The following ETFBKMT variants were observed in gnomAD, a reference collection of about 807,000 sequenced individuals.
ETFBKMT encodes the protein electron transfer flavoprotein subunit beta lysine methyltransferase.
Under a neutral mutation model 18.3 loss-of-function variants are expected in ETFBKMT, and 13 were observed. The ratio of observed to expected loss-of-function variants is 0.71; its 90% confidence interval spans 0.46 to 1.13. The LOEUF (loss-of-function observed/expected upper bound fraction) is 1.13, where lower values mean the gene tolerates loss of function less well. Ranked by LOEUF, ETFBKMT falls within the 50% of genes most tolerant of loss-of-function variation. ETFBKMT has a pLI of 0.00. For synonymous variants in ETFBKMT, 84 were observed against 107.9 expected (o/e 0.78, Z 1.37); for missense variants, 293 against 306.2 (o/e 0.96, Z 0.32).
At chr12:31,653,338 G>A (rs114247717) in intron 1 of ETFBKMT, among the ~76,000 whole-genome samples, 2,145 of 152,258 alleles carry the variant, frequency 0.014, 49 homozygotes, top group African/African-American at 0.048. Flanking sequence ...ACACTTGGCC[G>A]ATGTTAAGCT....
chr12:31,647,876 A>G (rs1249120372), intron 1 of ETFBKMT, among the ~76,000 whole-genome samples: 1 of 152,146 alleles, frequency 6.6e-6, no homozygotes, highest in Non-Finnish European at 1.5e-5. Flanking sequence ...ACAAGTGTTG[A>G]TAAGAATGTG....
At chr12:31,664,616 CTTTTTT>C (rs59300091) in intron 2 of ETFBKMT, among the ~76,000 whole-genome samples, 2 of 133,026 alleles carry the variant, frequency 1.5e-5, no homozygotes, top group African/African-American at 5.6e-5. Flanking sequence ...CTTTTTCTTT[CTTTTTT>C]TTTTTTTTTT....
At chr12:31,647,725 A>G (rs912144414) in intron 1 of ETFBKMT, among the ~76,000 whole-genome samples, 8 of 152,126 alleles carry the variant, frequency 5.3e-5, no homozygotes, top group Non-Finnish European at 1.0e-4. Context: ...GCTACTCGGG[A>G]AGCTGGGACA....
At chr12:31,654,433 A>G (rs1250069972), upstream of ETFBKMT, among the ~76,000 whole-genome samples, 4 of 152,268 alleles carry the variant, frequency 2.6e-5, no homozygotes, top group Non-Finnish European at 4.4e-5. Context: ...TATTTATGCA[A>G]AGGAAAGAAA....
intron 1 of ETFBKMT, among the ~76,000 whole-genome samples, chr12:31,652,800 T>A (rs1951028221): frequency 6.6e-6 from 1 of 152,188 alleles, no homozygotes; most frequent in Non-Finnish European, 1.5e-5. Context: ...TGCACGTGTG[T>A]GTGAGAGAAA....
chr12:31,649,045 T>C (rs903630242), intron 1 of ETFBKMT, among the ~76,000 whole-genome samples: 14 of 151,014 alleles, frequency 9.3e-5, no homozygotes, highest in African/African-American at 3.4e-4. Context: ...TGGCGTGCAA[T>C]TGGCTCATGC....
chr12:31,667,839 G>C lies in ETFBKMT; in HGVS notation c.638G>C (p.Arg213Pro). The change falls in exon 4 of 4, where the codon CGA becomes CCA. Residue 213 changes from arginine to proline, a missense_variant. Physicochemically the swap from Arg to Pro is moderately radical, Grantham distance 103. Transcript: ENST00000357721. ...LKKCFWTYRT[R>P]VLIGDPGRPQ... ...AAGTGCTTCTGGACCTATAGAACTCGAGTACTGATTGGTGACCCTGGGCGG... is the reference window on the plus strand; with the variant it reads ...AAGTGCTTCTGGACCTATAGAACTCCAGTACTGATTGGTGACCCTGGGCGG... The C allele has an allele frequency of 6.2e-7, 1 of 1,614,170 alleles. No individual in the cohort carries two copies. The highest frequency in any genetic ancestry group is 8.5e-7 in the Non-Finnish European group (1 of 1,180,036).
rs1951246749 is a variant in ETFBKMT, at chr12:31,669,974, C to T, written c.*1984C>T. 6.6e-6 allele frequency: 1 copy of T among 152,280 alleles called. No homozygotes were observed. The highest frequency in any genetic ancestry group is 1.5e-5 in the Non-Finnish European group (1 of 68,156). The allele number at this position is 152,280 out of a possible 1,614,324, so 9.4% of individuals were successfully genotyped here. On this transcript the variant is annotated 3_prime_UTR_variant, in exon 4 of 4. Transcript: ENST00000357721. ...AGCTGGGATTACAGGTATACACCAC[C>T]AAACCCAGCTGGGATTACAGGCATG...
intron 2 of ETFBKMT, among the ~76,000 whole-genome samples, chr12:31,663,857 T>A (rs1324645754): frequency 6.6e-6 from 1 of 152,172 alleles, no homozygotes; most frequent in Non-Finnish European, 1.5e-5. Context: ...ATAAGCTAAT[T>A]GTGCATCCTT....
Position 31,667,762 on chromosome 12 carries a change from C to T in ETFBKMT, c.561C>T (p.Gly187=), listed in dbSNP as rs200404212. The T allele has an allele frequency of 9.1e-5, 147 of 1,613,770 alleles. 1 individual carries two copies. Among genetic ancestry groups the T allele is most frequent in the South Asian group, 7.5e-4 (68 of 91,064 alleles). ...EQDKWDLVVL[G]DMFYDEDLAD... is the part of the protein sequence containing the mutation. ...ATAAGTGGGACCTTGTTGTTCTTGG[C>T]GATATGTTTTATGATGAAGACCTTG... The change falls in exon 4 of 4, where the codon GGC becomes GGT. Residue 187 remains glycine (G), a synonymous_variant. Transcript: ENST00000357721.
upstream of ETFBKMT, among the ~76,000 whole-genome samples, chr12:31,655,796 C>T (rs1457618232): frequency 6.6e-6 from 1 of 152,186 alleles, no homozygotes; most frequent in Non-Finnish European, 1.5e-5. Context: ...GCACGGGCCA[C>T]AGACTCATGT....
chr12:31,657,724 A>T (rs1003284971), upstream of ETFBKMT, among the ~76,000 whole-genome samples: 1 of 149,554 alleles, frequency 6.7e-6, no homozygotes, highest in Non-Finnish European at 1.5e-5. Context: ...CCCAGGAGGC[A>T]GAGGTTACAA....
intron 3 of ETFBKMT, 90 bp from the exon 4 acceptor site, chr12:31,667,557 T>C: frequency 2.0e-6 from 2 of 984,454 alleles, no homozygotes; most frequent in Non-Finnish European, 3.0e-6. Flanking sequence ...AAAAATATAT[T>C]GTTAGCAGAT....
intron 1 of ETFBKMT, chr12:31,647,373 GTGTT>G (rs1160708079): frequency 6.6e-6 from 1 of 152,198 alleles, no homozygotes; most frequent in East Asian, 1.9e-4. Context: ...TCTACGTCCT[GTGTT>G]TAAGTGCAGC....
In ETFBKMT at chr12:31,648,363, T is replaced by G. The variant is rs1455556936; in HGVS notation, c.-114+1108T>G. Among the ~76,000 whole-genome samples, 5 of 34,526 alleles carry G rather than the reference T, an allele frequency of 1.4e-4. No homozygotes were observed. The South Asian group carries it at 8.0e-3, about 55-fold the overall frequency. The allele number at this position is 34,526 out of a possible 152,430, so 22.7% of individuals were successfully genotyped here. ...AATGTTGAATATGATGTAAATAGTT[T>G]TTTTTTTTTTTTTTTTGAGATGGAG... On this transcript the variant is annotated intron_variant, in intron 1 of 3. Transcript: ENST00000412352.
At chr12:31,662,505 C>CTTTTTTTT (rs35366747) in intron 2 of ETFBKMT, among the ~76,000 whole-genome samples, 4 of 128,840 alleles carry the variant, frequency 3.1e-5, no homozygotes, top group Non-Finnish European at 5.0e-5. Context: ...TTCTTTCTTT[C>CTTTTTTTT]TTTTTTTTTT....
Position 31,662,544 on chromosome 12 carries a change from A to G in ETFBKMT, c.314+277A>G, listed in dbSNP as rs1406236333. ...TTTTTGGTAGAGACAGGATCTTGCT[A>G]TGTTGTCCAGGCTGGTCTTAAACAT... On this transcript the variant is annotated intron_variant, in intron 2 of 3. Coordinates refer to ENST00000357721, the MANE Select transcript of ETFBKMT (RefSeq NM_001135863.2). 3.7e-5 allele frequency among the ~76,000 whole-genome samples: 4 copies of G among 109,336 alleles called. No individual in the cohort carries two copies. The East Asian group carries it at 1.0e-3, about 28-fold the overall frequency. The allele number at this position is 109,336 out of a possible 152,430, so 71.7% of individuals were successfully genotyped here. A position where few individuals can be genotyped will look rare whatever the true frequency, so the allele number is the denominator to read the frequency against.
chr12:31,657,442 G>C (rs1951071684), upstream of ETFBKMT, among the ~76,000 whole-genome samples: 1 of 152,140 alleles, frequency 6.6e-6, no homozygotes, highest in Non-Finnish European at 1.5e-5. Context: ...GGAAGGGCAG[G>C]CCTTTTCTAG....
At chr12:31,648,647 T>C (rs12813431) in intron 1 of ETFBKMT, among the ~76,000 whole-genome samples, 27,745 of 147,384 alleles carry the variant, frequency 0.19, 3,302 homozygotes, top group Non-Finnish European at 0.26. Context: ...CTGCAAGCTC[T>C]GCCTCCCGGG....
Sources: allele counts gnomAD v4.1 joint callset (sites outside exome capture counted in the v4.1 genomes callset), GRCh38; gene constraint gnomAD v4.1.1; transcripts MANE v1.5; gene names NCBI Gene and HGNC (gene_info 2026-07-23, HGNC 2026-07-21).